The following PTPRN2 variants were observed in gnomAD, a reference collection of about 807,000 sequenced individuals.
The protein encoded by PTPRN2 is receptor-type tyrosine-protein phosphatase N2.
Under a neutral mutation model 118.8 loss-of-function variants are expected in PTPRN2, and 74 were observed. The ratio of observed to expected loss-of-function variants is 0.62; its 90% CI spans 0.52 to 0.76. PTPRN2 has a LOEUF of 0.76. Ranked by LOEUF, PTPRN2 falls within the 30% of genes least tolerant of loss-of-function variation. The pLI is 0.00. For synonymous variants in PTPRN2, 641 were observed against 608.0 expected (o/e 1.05, Z -0.80); for missense variants, 1,481 against 1,394.4 (o/e 1.06, Z -0.99).
At chr7:158,416,933 C>A (rs985291899) in intron 2 of PTPRN2, among the ~76,000 whole-genome samples, 43 of 152,238 alleles carry the variant, frequency 2.8e-4, no homozygotes, top group African/African-American at 9.6e-4. Flanking sequence ...AAGGGATTGA[C>A]ACTCAGCAAG....
intron 9 of PTPRN2, among the ~76,000 whole-genome samples, chr7:158,128,024 C>G (rs1200409891): frequency 6.6e-6 from 1 of 152,208 alleles, no homozygotes; most frequent in Admixed American, 6.5e-5. Flanking sequence ...ATCCTCCCAT[C>G]TGAACCTCAG....
intron 12 of PTPRN2, among the ~76,000 whole-genome samples, chr7:157,789,765 TGTG>T (rs1432737875): frequency 1.3e-5 from 2 of 148,604 alleles, no homozygotes; most frequent in Non-Finnish European, 3.0e-5. Context: ...GGGGTATATG[TGTG>T]GTGTGTGTGT....
chr7:158,371,289 T>C (rs1425832949), intron 2 of PTPRN2, among the ~76,000 whole-genome samples: 1 of 151,880 alleles, frequency 6.6e-6, no homozygotes, highest in Non-Finnish European at 1.5e-5. Context: ...AGGTGAATAG[T>C]TATCAGATCC....
intron 10 of PTPRN2, among the ~76,000 whole-genome samples, chr7:158,083,949 G>T (rs566153417): frequency 7.8e-5 from 1 of 12,796 alleles, no homozygotes; most frequent in African/African-American, 1.1e-4. Flanking sequence ...AGGCTCTGAC[G>T]TGGGAAGAAG....
intron 12 of PTPRN2, among the ~76,000 whole-genome samples, chr7:157,790,552 G>T (rs1804423600): frequency 6.6e-6 from 1 of 152,124 alleles, no homozygotes; most frequent in Non-Finnish European, 1.5e-5. Flanking sequence ...GACGAAGGGG[G>T]CATTTCAAAC....
At chr7:158,192,809 G>A (rs1431182692) in intron 4 of PTPRN2, among the ~76,000 whole-genome samples, 1 of 152,214 alleles carries the variant, frequency 6.6e-6, no homozygotes, top group Non-Finnish European at 1.5e-5. Flanking sequence ...GAAGCTGCAG[G>A]TGTTGGCTGC....
At chr7:158,585,053 T>A (rs1340884395) in intron 1 of PTPRN2, among the ~76,000 whole-genome samples, 1 of 152,194 alleles carries the variant, frequency 6.6e-6, no homozygotes, top group African/African-American at 2.4e-5. Context: ...CTGGGCCGGA[T>A]TTAAGGCCGC....
At chr7:158,495,638 C>T (rs1010614089) in intron 1 of PTPRN2, among the ~76,000 whole-genome samples, 7 of 152,276 alleles carry the variant, frequency 4.6e-5, no homozygotes, top group South Asian at 4.1e-4. Flanking sequence ...ATGTTTCCAT[C>T]GGATCGAAAA....
chr7:158,210,527 G>T (rs1002959338), intron 3 of PTPRN2, among the ~76,000 whole-genome samples: 5 of 151,932 alleles, frequency 3.3e-5, no homozygotes, highest in African/African-American at 1.2e-4. Context: ...AAAGATCAAT[G>T]AAACAAAAAG....
At chr7:157,902,899 C>T (rs751505304) in intron 11 of PTPRN2, among the ~76,000 whole-genome samples, 1 of 152,156 alleles carries the variant, frequency 6.6e-6, no homozygotes, top group Non-Finnish European at 1.5e-5. Context: ...AGCAGAGCTG[C>T]CTCCCAAGCT....
In PTPRN2 at chr7:157,808,787, C is replaced by G. The variant is rs1805792353; in HGVS notation, c.1788+89886G>C. Among the ~76,000 whole-genome samples, 1 of 152,218 alleles carries G rather than the reference C, an allele frequency of 6.6e-6. No homozygotes were observed. Among genetic ancestry groups the G allele is most frequent in the African/African-American group, 2.4e-5 (1 of 41,456 alleles). ...CTGGTGCCAAAAAGAGTATGGACCG[C>G]TGTCCTGGACAAACCCTGGGCCTGG... On this transcript the variant is annotated intron_variant, in intron 12 of 22. Transcript: ENST00000389418. The surrounding 1 kb of genome is among the most constrained non-coding windows in gnomAD (Gnocchi z 5.0).
At chr7:157,643,318 C>T (rs2052951680) in intron 14 of PTPRN2, among the ~76,000 whole-genome samples, 1 of 152,194 alleles carries the variant, frequency 6.6e-6, no homozygotes, top group Admixed American at 6.5e-5. Flanking sequence ...AAATAAAGCA[C>T]TAGCATGGCT....
At chr7:158,264,453 A>G (rs1441881952) in intron 3 of PTPRN2, among the ~76,000 whole-genome samples, 1 of 152,090 alleles carries the variant, frequency 6.6e-6, no homozygotes, top group Non-Finnish European at 1.5e-5. Context: ...TGCTGGACAC[A>G]CACAGCCTGA....
intron 2 of PTPRN2, among the ~76,000 whole-genome samples, chr7:158,454,327 G>A (rs1266274054): frequency 1.3e-5 from 2 of 151,558 alleles, no homozygotes; most frequent in East Asian, 3.9e-4. Flanking sequence ...ACTGATGTGA[G>A]GATTGGGGAC....
Position 157,540,416 on chromosome 7 carries a change from A to G in PTPRN2, c.*298T>C. ...GAACGTGCTGGCTACTGCATTGTTAACACAACTTCAACCAAGAAGGTGAAC... is the reference window on the plus strand; with the variant it reads ...GAACGTGCTGGCTACTGCATTGTTAGCACAACTTCAACCAAGAAGGTGAAC... On this transcript the variant is annotated 3_prime_UTR_variant, in exon 23 of 23. Transcript: ENST00000389418. 1 of 281,172 alleles carries G rather than the reference A, an allele frequency of 3.6e-6. No homozygotes were observed. The highest frequency in any genetic ancestry group is 6.7e-6 in the Non-Finnish European group (1 of 148,900). The allele number at this position is 281,172 out of a possible 1,614,324, so 17.4% of individuals were successfully genotyped here.
At chr7:158,356,991 G>T (rs1016163337) in intron 2 of PTPRN2, among the ~76,000 whole-genome samples, 1 of 152,168 alleles carries the variant, frequency 6.6e-6, no homozygotes, top group Non-Finnish European at 1.5e-5. Context: ...AGCGGCCTCC[G>T]TCTGGCTACC....
intron 12 of PTPRN2, among the ~76,000 whole-genome samples, chr7:157,844,152 C>T (rs114147788): frequency 0.035 from 5,261 of 152,198 alleles, 306 homozygotes; most frequent in African/African-American, 0.12. Flanking sequence ...GGGTGTGGAA[C>T]GCAGGCCTTT....
chr7:158,154,035 G>A (rs542713061), intron 6 of PTPRN2, among the ~76,000 whole-genome samples: 576 of 152,316 alleles, frequency 3.8e-3, no homozygotes, highest in Non-Finnish European at 5.9e-3. Flanking sequence ...TGTGGGGTCC[G>A]GGCTGGGCTG....
intron 12 of PTPRN2, among the ~76,000 whole-genome samples, chr7:157,761,446 C>G (rs1422022123): frequency 6.6e-6 from 1 of 151,382 alleles, no homozygotes; most frequent in Non-Finnish European, 1.5e-5. Flanking sequence ...AATAATGCCT[C>G]ATATCTACAA....
Sources: gnomAD v4.1 joint callset for allele counts (sites outside exome capture counted in the v4.1 genomes callset) on GRCh38, gnomAD v4.1.1 for gene constraint, Gnocchi (gnomAD v3.1) non-coding constraint, MANE v1.5 for transcripts, NCBI Gene and HGNC (gene_info 2026-07-23, HGNC 2026-07-21) for gene names.